Variants in SLC35F3 observed in about 807,000 individuals in gnomAD.
SLC35F3 encodes putative thiamine transporter SLC35F3.
In SLC35F3, 25 loss-of-function variants were observed where a neutral mutation model predicts 49.9. The ratio of observed to expected loss-of-function variants is 0.50; its 90% CI spans 0.37 to 0.70. SLC35F3 has a LOEUF of 0.70. Ranked by LOEUF, SLC35F3 falls within the 30% of genes least tolerant of loss-of-function variation. SLC35F3 has a pLI of 0.00. For synonymous variants in SLC35F3, 275 were observed against 265.4 expected (o/e 1.04, Z -0.35); for missense variants, 525 against 639.8 (o/e 0.82, Z 1.94).
At chr1:234,043,768 T>C (rs1658975271) in intron 2 of SLC35F3, among the ~76,000 whole-genome samples, 1 of 152,234 alleles carries the variant, frequency 6.6e-6, no homozygotes, top group African/African-American at 2.4e-5. Flanking sequence ...CAAGTTCTGT[T>C]ATGTAGTTTG....
At chr1:234,222,753 C>T (rs927673552) in intron 2 of SLC35F3, among the ~76,000 whole-genome samples, 1 of 152,220 alleles carries the variant, frequency 6.6e-6, no homozygotes, top group African/African-American at 2.4e-5. Context: ...AGCCAAATTT[C>T]AGTCCACATA....
At chr1:234,313,175 C>A (rs115008451) in intron 4 of SLC35F3, among the ~76,000 whole-genome samples, 1 of 152,306 alleles carries the variant, frequency 6.6e-6, no homozygotes, top group Non-Finnish European at 1.5e-5. Context: ...CCGCGCCAGG[C>A]CTTGCCACCT....
intron 2 of SLC35F3, among the ~76,000 whole-genome samples, chr1:234,032,358 AT>A (rs140519932): frequency 2.0e-5 from 3 of 151,396 alleles, no homozygotes; most frequent in Non-Finnish European, 2.9e-5. Context: ...TTCTTTTTAT[AT>A]TTTTTTCTTT....
chr1:234,142,534 C>CA (rs1235101264), intron 2 of SLC35F3, among the ~76,000 whole-genome samples: 8 of 151,654 alleles, frequency 5.3e-5, no homozygotes, highest in Non-Finnish European at 8.8e-5. Flanking sequence ...TATGCTTGCT[C>CA]AAAAAAAGGA....
intron 2 of SLC35F3, among the ~76,000 whole-genome samples, chr1:233,985,705 G>T (rs1277264038): frequency 1.3e-5 from 2 of 152,142 alleles, no homozygotes; most frequent in Admixed American, 6.5e-5. Context: ...TGCTTTATTG[G>T]AACGTTTTAA....
At position 233,938,548 on chromosome 1, in the gene SLC35F3, TATACCTAAGGAAA is replaced by T. The variant is rs528176689; in HGVS notation, c.283+32792_283+32804del. 1.3e-3 allele frequency among the ~76,000 whole-genome samples: 200 copies of T among 152,338 alleles called. 2 individuals are homozygous for T. The highest frequency in any genetic ancestry group is 4.6e-3 in the African/African-American group (193 of 41,564). ...TGCTAGAGAACAACACAAGGGTCAT[TATACCTAAGGAAA>T]AAGGTAATTATACCTAAGGTCAGTG... On this transcript the variant is annotated intron_variant, in intron 2 of 7. Transcript: ENST00000366618.
chr1:233,915,980 G>C (rs1661962151), intron 2 of SLC35F3, among the ~76,000 whole-genome samples: 2 of 152,222 alleles, frequency 1.3e-5, no homozygotes, highest in Admixed American at 1.3e-4. Context: ...GTATGGGACA[G>C]TTGGGTTTTG....
intron 2 of SLC35F3, among the ~76,000 whole-genome samples, chr1:233,993,115 T>C (rs1300812241): frequency 6.6e-6 from 1 of 152,144 alleles, no homozygotes; most frequent in African/African-American, 2.4e-5. Context: ...TACAATTAGC[T>C]GTCCACCGTG....
chr1:234,242,168 CTG>C (rs1217722274), intron 3 of SLC35F3, among the ~76,000 whole-genome samples: 1 of 152,216 alleles, frequency 6.6e-6, no homozygotes, highest in African/African-American at 2.4e-5. Flanking sequence ...TAGCCAGTGT[CTG>C]TGCTAAGTGC....
chr1:234,230,424 A>AG (rs1482938018), intron 2 of SLC35F3, among the ~76,000 whole-genome samples: 2 of 152,246 alleles, frequency 1.3e-5, no homozygotes, highest in African/African-American at 4.8e-5. Context: ...ATGGCCTCTT[A>AG]GCACTAATGT....
chr1:233,936,411 T>C (rs1662328518), intron 2 of SLC35F3, among the ~76,000 whole-genome samples: 1 of 152,210 alleles, frequency 6.6e-6, no homozygotes, highest in African/African-American at 2.4e-5. Flanking sequence ...TCTTATAGCC[T>C]GTGCCTGTCA....
intron 2 of SLC35F3, among the ~76,000 whole-genome samples, chr1:234,113,515 C>T (rs1665439320): frequency 6.6e-6 from 1 of 152,054 alleles, no homozygotes; most frequent in African/African-American, 2.4e-5. Flanking sequence ...TATAGGCTGC[C>T]CTAAAATGAA....
chr1:233,931,399 G>A (rs565964396), intron 2 of SLC35F3, among the ~76,000 whole-genome samples: 22 of 152,190 alleles, frequency 1.4e-4, no homozygotes, highest in African/African-American at 5.3e-4. Context: ...CTGACAAAGG[G>A]CAAATACCCA....
chr1:234,172,224 C>A (rs1319841273), intron 2 of SLC35F3, among the ~76,000 whole-genome samples: 1 of 152,098 alleles, frequency 6.6e-6, no homozygotes, highest in Non-Finnish European at 1.5e-5. Context: ...AAGAACACAT[C>A]AATTATTTTT....
intron 2 of SLC35F3, among the ~76,000 whole-genome samples, chr1:234,174,501 C>T (rs1002867843): frequency 6.6e-5 from 10 of 152,322 alleles, no homozygotes; most frequent in African/African-American, 2.4e-4. Flanking sequence ...TTAATCCCGC[C>T]CTGTCTCTGA....
intron 2 of SLC35F3, among the ~76,000 whole-genome samples, chr1:234,162,144 C>T (rs1293647649): frequency 6.6e-6 from 1 of 152,024 alleles, no homozygotes; most frequent in Non-Finnish European, 1.5e-5. Flanking sequence ...ATGTGCTCCT[C>T]GGTGCCAGCC....
At chr1:234,287,615 G>T (rs1572136000) in intron 3 of SLC35F3, among the ~76,000 whole-genome samples, 2 of 152,150 alleles carry the variant, frequency 1.3e-5, no homozygotes, top group African/African-American at 4.8e-5. Flanking sequence ...GTGAATATTA[G>T]TATCCCATGT....
intron 3 of SLC35F3, among the ~76,000 whole-genome samples, chr1:234,298,831 T>C (rs1572141141): frequency 6.6e-6 from 1 of 152,158 alleles, no homozygotes; most frequent in Non-Finnish European, 1.5e-5. Flanking sequence ...ATTATAAAAG[T>C]TGGAGAAAAT....
At chr1:234,188,805 C>G (rs1337169292) in intron 2 of SLC35F3, among the ~76,000 whole-genome samples, 1 of 152,112 alleles carries the variant, frequency 6.6e-6, no homozygotes, top group African/African-American at 2.4e-5. Flanking sequence ...CATTTCACTC[C>G]CCTGCCACCG....
Sources: gnomAD v4.1 joint callset for allele counts (sites outside exome capture counted in the v4.1 genomes callset) on GRCh38, gnomAD v4.1.1 for gene constraint, MANE v1.5 for transcripts, NCBI Gene and HGNC (gene_info 2026-07-23, HGNC 2026-07-21) for gene names.